BICDL1: variants seen among roughly 807,000 people sequenced by gnomAD.
BICDL1 encodes BICD family-like cargo adapter 1.
BICDL1 carries 20 observed loss-of-function variants against 76.8 expected under a neutral mutation model. The observed-to-expected ratio is 0.26, with a 90% confidence interval of 0.18 to 0.38. The LOEUF (loss-of-function observed/expected upper bound fraction) is 0.38. BICDL1 is among the 10% of genes least tolerant of loss of function. The pLI is 1.00. For synonymous variants in BICDL1, 383 were observed against 337.1 expected, an observed-to-expected ratio of 1.14 and a Z score of -1.49; for missense variants, 700 against 798.6, an observed-to-expected ratio of 0.88 and a Z score of 1.49.
chr12:120,070,969 A>G (rs1873050892), intron 4 of BICDL1, among the ~76,000 whole-genome samples: 2 of 151,792 alleles, frequency 1.3e-5, no homozygotes, highest in Admixed American at 6.6e-5. Context: ...ATTTCAGATG[A>G]TCTGCCCCCT....
chr12:120,009,649 A>G (rs967101269), intron 2 of BICDL1, among the ~76,000 whole-genome samples: 11 of 152,272 alleles, frequency 7.2e-5, no homozygotes, highest in Middle Eastern at 3.4e-3. Flanking sequence ...CAAATTTTGT[A>G]CTTGGTAAAT....
At position 120,061,805 on chromosome 12, in the gene BICDL1, G is replaced by A; in HGVS notation, c.741G>A (p.Arg247=). The change falls in exon 3 of 10, where the codon CGG becomes CGA. Residue 247 remains arginine, a synonymous_variant. Transcript: ENST00000548673. ...KNSSTNQHII[R]LESLQAEIKM... ...CATCAACCAACCAGCACATTATCCG[G>A]CTGGAGAGCCTTCAGGCCGAGGTGA... 1 of 1,613,990 alleles carries A rather than the reference G, an allele frequency of 6.2e-7. No homozygotes were observed. The highest frequency in any genetic ancestry group is 8.5e-7 in the Non-Finnish European group (1 of 1,179,860).
intron 8 of BICDL1, among the ~76,000 whole-genome samples, chr12:120,081,718 T>A (rs1874007020): frequency 6.6e-6 from 1 of 151,952 alleles, no homozygotes; most frequent in South Asian, 2.1e-4. Context: ...TGTTTCTATT[T>A]TTTTATTATG....
At chr12:120,033,843 T>G (rs947910179) in intron 2 of BICDL1, among the ~76,000 whole-genome samples, 5 of 152,196 alleles carry the variant, frequency 3.3e-5, no homozygotes, top group African/African-American at 1.2e-4. Context: ...GATGTGCACT[T>G]CTGATGTATT....
At position 120,032,274 on chromosome 12, in the gene BICDL1, C is replaced by A. The variant is rs117099343; in HGVS notation, c.646-29436C>A. On this transcript the variant is annotated intron_variant, in intron 2 of 9. Coordinates refer to ENST00000548673, the MANE Select transcript of BICDL1 (RefSeq NM_001367886.1). ...TGATGAATTGGGTAGCTTTGGGGTC[C>A]TGAAGAATGACAGAAACAAGGAGCA... Among the ~76,000 whole-genome samples, 1,163 of 152,180 alleles carry A rather than the reference C, an allele frequency of 7.6e-3. 6 individuals carry two copies. The highest frequency in any genetic ancestry group is 0.054 in the Middle Eastern group (16 of 294).
chr12:120,043,581 A>C (rs181589719), intron 2 of BICDL1, among the ~76,000 whole-genome samples: 5 of 152,222 alleles, frequency 3.3e-5, no homozygotes, highest in Admixed American at 3.3e-4. Flanking sequence ...AAGTAAATCT[A>C]CTTGAGCCAT....
chr12:120,064,891 G>C lies in BICDL1; in HGVS notation c.909+12G>C. The C allele has an allele frequency of 6.3e-7, 1 of 1,597,138 alleles. No individual in the cohort carries two copies. On this transcript the variant is annotated intron_variant, in intron 4 of 9. Transcript: ENST00000548673. ...ACAAGGACCTACAGGTACTGGGGTA[G>C]AGAAGCTGTCCTGCAGGACTAGAGC...
intron 6 of BICDL1, among the ~76,000 whole-genome samples, chr12:120,073,614 G>A (rs975970690): frequency 1.2e-4 from 18 of 152,102 alleles, no homozygotes; most frequent in African/African-American, 4.3e-4. Flanking sequence ...ATTTCTCCCC[G>A]ACTTACCCTC....
intron 2 of BICDL1, among the ~76,000 whole-genome samples, chr12:120,024,959 C>G (rs149164326): frequency 1.3e-5 from 2 of 151,548 alleles, no homozygotes; most frequent in Non-Finnish European, 2.9e-5. Context: ...ATCACAGGCA[C>G]GAGCCACCGC....
At chr12:120,089,589 T>C (rs1221150635) in intron 8 of BICDL1, among the ~76,000 whole-genome samples, 1 of 151,680 alleles carries the variant, frequency 6.6e-6, no homozygotes, top group African/African-American at 2.4e-5. Context: ...TCCATGTTGG[T>C]CAGGCTGGTC....
chr12:120,082,462 A>G (rs1309568371), intron 8 of BICDL1, among the ~76,000 whole-genome samples: 1 of 152,022 alleles, frequency 6.6e-6, no homozygotes, highest in Non-Finnish European at 1.5e-5. Context: ...CCATGTTGCT[A>G]GGGCTGGTCT....
At chr12:120,067,814 A>C (rs1953253123) in intron 4 of BICDL1, among the ~76,000 whole-genome samples, 1 of 152,172 alleles carries the variant, frequency 6.6e-6, no homozygotes. Flanking sequence ...GCCATTTGTA[A>C]TTGTGCCAAA....
At chr12:119,994,409 G>A (rs1035861668) in intron 1 of BICDL1, among the ~76,000 whole-genome samples, 1 of 150,526 alleles carries the variant, frequency 6.6e-6, no homozygotes, top group Non-Finnish European at 1.5e-5. Context: ...TTTTTTTTTG[G>A]CAGAAATCCA....
chr12:120,006,938 T>C (rs1263386935), intron 2 of BICDL1, among the ~76,000 whole-genome samples: 1 of 151,534 alleles, frequency 6.6e-6, no homozygotes, highest in Admixed American at 6.6e-5. Context: ...GGGATAGAGA[T>C]GGATGAAGAA....
chr12:120,020,990 CA>C (rs925354973), intron 2 of BICDL1, among the ~76,000 whole-genome samples: 8 of 150,580 alleles, frequency 5.3e-5, no homozygotes, highest in Non-Finnish European at 8.9e-5. Flanking sequence ...AGGACTTTTA[CA>C]AAAAAAAACA....
At chr12:120,056,829 G>T (rs992722041) in intron 2 of BICDL1, among the ~76,000 whole-genome samples, 1 of 152,226 alleles carries the variant, frequency 6.6e-6, no homozygotes, top group Non-Finnish European at 1.5e-5. Context: ...CCTGAGGCCA[G>T]GCCTCGAGCA....
chr12:120,028,364 T>C (rs7960725), intron 2 of BICDL1, among the ~76,000 whole-genome samples: 52,554 of 151,792 alleles, frequency 0.35, 12,153 homozygotes, highest in African/African-American at 0.65. Flanking sequence ...TATCCAAGAA[T>C]TGGTTTCCAA....
intron 2 of BICDL1, among the ~76,000 whole-genome samples, chr12:120,024,177 A>G (rs1238853131): frequency 6.6e-6 from 1 of 152,048 alleles, no homozygotes; most frequent in Non-Finnish European, 1.5e-5. Flanking sequence ...GCTACTCAGG[A>G]AACTGAGACA....
At chr12:120,062,287 T>C (rs1009425746) in intron 3 of BICDL1, among the ~76,000 whole-genome samples, 1 of 152,170 alleles carries the variant, frequency 6.6e-6, no homozygotes, top group East Asian at 1.9e-4. Flanking sequence ...AACACAGTGA[T>C]GTTATTGGAA....
Sources: gnomAD v4.1 joint callset for allele counts (sites outside exome capture counted in the v4.1 genomes callset) on GRCh38, gnomAD v4.1.1 for gene constraint, MANE v1.5 for transcripts, NCBI Gene and HGNC (gene_info 2026-07-23, HGNC 2026-07-21) for gene names.